PLA2G3: variants seen among roughly 807,000 people sequenced by gnomAD.
PLA2G3 encodes the protein phospholipase A2 group III.
In PLA2G3, 39 loss-of-function variants were observed where a neutral mutation model predicts 51.3. The observed-to-expected ratio is 0.76, with a 90% CI of 0.59 to 0.99. PLA2G3 has a LOEUF of 0.99. Among genes scored for constraint, PLA2G3 ranks in the 50% least tolerant of loss-of-function variants. The pLI is 0.00. For synonymous variants in PLA2G3, 293 were observed against 263.1 expected (o/e 1.11, Z -1.10); for missense variants, 677 against 662.1 (o/e 1.02, Z -0.25).
intron 1 of PLA2G3, 38 bp from the exon 2 acceptor site, chr22:31,138,837 GGGTC>G (rs751638094): frequency 1.2e-6 from 2 of 1,611,500 alleles, no homozygotes; most frequent in South Asian, 2.2e-5. Flanking sequence ...CAACTCAGCA[GGGTC>G]CTAGGCATCA....
intron 2 of PLA2G3, 40 bp from the exon 3 acceptor site, chr22:31,138,450 G>T: frequency 6.2e-7 from 1 of 1,607,128 alleles, no homozygotes; most frequent in Non-Finnish European, 8.5e-7. Flanking sequence ...GGGCATGGAG[G>T]GCTGTCTGGC....
At position 31,137,812 on chromosome 22, in the gene PLA2G3, T is replaced by A; in HGVS notation, c.964A>T (p.Ser322Cys). 2 of 1,614,098 alleles carry A rather than the reference T, an allele frequency of 1.2e-6. No individual in the cohort carries two copies. Among genetic ancestry groups the A allele is most frequent in the Non-Finnish European group, 1.7e-6 (2 of 1,180,000 alleles). The change falls in exon 4 of 7, where the codon AGC (serine) becomes TGC (cysteine). Residue 322 changes from serine (S) to cysteine (C), a missense_variant. By Grantham distance (112) the Ser-to-Cys change is moderately radical. Transcript: ENST00000215885. ...PPHQKGSKRP[S>C]KANTTALQDP... ...TGGAGGGCTGTGGTGTTGGCTTTGC[T>A]GGGGCGCTTGGACCCTTTCTGATGT...
chr22:31,136,282 G>A (rs1922553130), intron 6 of PLA2G3, among the ~76,000 whole-genome samples: 2 of 152,208 alleles, frequency 1.3e-5, no homozygotes, highest in Non-Finnish European at 2.9e-5. Flanking sequence ...CGAGGTGGGA[G>A]GATCGCTCGA....
rs568663452 is a variant in PLA2G3, at chr22:31,140,461, C to T, written c.-107G>A. ...GAACGGAAGCGGAGCCCAGCAGGCC[C>T]GGTGCGGCGGGACCAATGAATGGAG... On this transcript the variant is annotated 5_prime_UTR_variant, in exon 1 of 7. Coordinates refer to ENST00000215885, the MANE Select transcript of PLA2G3 (RefSeq NM_015715.5). The T allele has an allele frequency of 2.9e-5, 38 of 1,294,494 alleles. No individual in the cohort carries two copies. Among genetic ancestry groups the T allele is most frequent in the Middle Eastern group, 2.1e-4 (1 of 4,696 alleles). 80.2% of individuals were successfully genotyped at this position (1,294,494 alleles called of 1,614,324 possible). A position where few individuals can be genotyped will look rare whatever the true frequency, so the allele number is the denominator to read the frequency against.
At position 31,135,547 on chromosome 22, in the gene PLA2G3, G is replaced by T; in HGVS notation, c.*176C>A. On this transcript the variant is annotated 3_prime_UTR_variant, in exon 7 of 7. Coordinates refer to ENST00000215885, the MANE Select transcript of PLA2G3 (RefSeq NM_015715.5). ...ACATAGCTCAAGGTTACCCAGAACA[G>T]CAGGAGATGTGGTCCAGCATTTGGG... 1 of 612,782 alleles carries T rather than the reference G, an allele frequency of 1.6e-6. No individual in the cohort carries two copies. Among genetic ancestry groups the T allele is most frequent in the Non-Finnish European group, 2.9e-6 (1 of 343,198 alleles). 38.0% of individuals were successfully genotyped at this position (612,782 alleles called of 1,614,324 possible).
intron 2 of PLA2G3, 74 bp downstream of exon 2, chr22:31,138,593 A>C: frequency 1.3e-6 from 2 of 1,577,044 alleles, no homozygotes; most frequent in East Asian, 4.5e-5. Flanking sequence ...CTGCAATCCC[A>C]ATGTCTAGTT....
chr22:31,136,607 C>T, intron 6 of PLA2G3, 76 bp downstream of exon 6: 1 of 1,169,542 alleles, frequency 8.6e-7, no homozygotes. Context: ...CCCCTTGGCC[C>T]AAGCATTCAA....
In PLA2G3 at chr22:31,140,234, G is replaced by A; in HGVS notation, c.121C>T (p.Pro41Ser). Residue 41 changes from proline (P) to serine (S), a missense_variant, in exon 1 of 7, where the codon CCA becomes TCA. Physicochemically the swap from Pro to Ser is moderately conservative, Grantham distance 74. Coordinates refer to ENST00000215885, the MANE Select transcript of PLA2G3 (RefSeq NM_015715.5). ...GCCAGGAAGCTCAGGTACCCCAGTG[G>A]GTTGCCAGGGACGGCCTTGGTCAAG... ...CHLTKAVPGN[P>S]LGYLSFLAKD... 6.2e-7 allele frequency: 1 copy of A among 1,612,642 alleles called. No individual in the cohort carries two copies. Among genetic ancestry groups the A allele is most frequent in the Non-Finnish European group, 8.5e-7 (1 of 1,179,994 alleles).
rs1443220954 is a variant in PLA2G3, at chr22:31,140,372, C to T, written c.-18G>A. 6.4e-7 allele frequency: 1 copy of T among 1,554,008 alleles called. No homozygotes were observed. Among genetic ancestry groups the T allele is most frequent in the Admixed American group, 1.9e-5 (1 of 52,392 alleles). ...ACCCCCATTCTGCACTGGCCCAGTC[C>T]AGTCAGACAAAGCCCCTGGGATGCC... On this transcript the variant is annotated 5_prime_UTR_variant, in exon 1 of 7. Transcript: ENST00000215885.
Position 31,138,291 on chromosome 22 carries a change from C to G in PLA2G3, c.767G>C (p.Trp256Ser). ...GGCCACGTACCCGCCCCACCAGTAC[C>G]ACGCCACACACGCCTCCTGCTCCTC... Reference protein sequence around the residue: ...VLEEQEACVAWYWWGGCRMYG... With the variant: ...VLEEQEACVASYWWGGCRMYG... The change falls in exon 3 of 7, where the codon TGG (tryptophan) becomes TCG (serine). Residue 256 changes from tryptophan to serine, a missense_variant. Physicochemically the swap from Trp to Ser is radical, Grantham distance 177 (BLOSUM62 -3). Transcript: ENST00000215885. The G allele has an allele frequency of 6.2e-7, 1 of 1,613,786 alleles. No individual in the cohort carries two copies. Among genetic ancestry groups the G allele is most frequent in the South Asian group, 1.1e-5 (1 of 91,074 alleles).
At chr22:31,138,193 C>T (rs1254258924) in intron 3 of PLA2G3, 83 bp downstream of exon 3, 4 of 1,521,330 alleles carry the variant, frequency 2.6e-6, no homozygotes, top group African/African-American at 2.7e-5. Flanking sequence ...GGAAGACAGA[C>T]AGACAGATAG....
At chr22:31,138,494 G>T in intron 2 of PLA2G3, 84 bp from the exon 3 acceptor site, 1 of 1,546,136 alleles carries the variant, frequency 6.5e-7, no homozygotes, top group Non-Finnish European at 8.9e-7. Context: ...CTACCAGCTG[G>T]GTGGTTTGGG....
Position 31,135,446 on chromosome 22 carries a change from C to T in PLA2G3, c.*277G>A. ...CCATTCTCATCTGTATGTGAAGTTC[C>T]CTGGCAAGGCCAAAGCCCAGGGCAT... On this transcript the variant is annotated 3_prime_UTR_variant, in exon 7 of 7. Transcript: ENST00000215885. 2.0e-6 allele frequency: 1 copy of T among 492,054 alleles called. No individual in the cohort carries two copies. The highest frequency in any genetic ancestry group is 3.4e-5 in the East Asian group (1 of 29,598). 30.5% of individuals were successfully genotyped at this position (492,054 alleles called of 1,614,324 possible). A position where few individuals can be genotyped will look rare whatever the true frequency, so the allele number is the denominator to read the frequency against.
In PLA2G3 at chr22:31,135,744, C is replaced by A. The variant is rs1257869560; in HGVS notation, c.1509G>T (p.Gln503His). The A allele has an allele frequency of 6.2e-7, 1 of 1,613,590 alleles. No homozygotes were observed. The highest frequency in any genetic ancestry group is 8.5e-7 in the Non-Finnish European group (1 of 1,179,884). The change falls in exon 7 of 7, where the codon CAG (glutamine) becomes CAT (histidine). Residue 503 changes from glutamine (Q) to histidine (H), a missense_variant. Coordinates refer to ENST00000215885, the MANE Select transcript of PLA2G3 (RefSeq NM_015715.5). ...GAGGTCACTGGCTCCAGGACTTCTGCTGCCTGTCGGGTCTCCTGGCTGCCT... is the reference window on the plus strand; with the variant it reads ...GAGGTCACTGGCTCCAGGACTTCTGATGCCTGTCGGGTCTCCTGGCTGCCT... ...LTQAARRPDR[Q>H]QKSWSQ
In PLA2G3 at chr22:31,136,959, T is replaced by G. The variant is rs1381588319; in HGVS notation, c.1148A>C (p.Gln383Pro). The stretch of plus-strand genomic sequence containing the variant: ...GGGCTCTTGGGCGCTGTTGAGCAGC[T>G]GGAACTCGATTTCCCGGGGCCCAAT... ...HQIGPREIEF[Q>P]LLNSAQEPLF... is the part of the protein sequence containing the mutation. The change falls in exon 5 of 7, where the codon CAG becomes CCG. Residue 383 changes from glutamine to proline, a missense_variant. Physicochemically the swap from Gln to Pro is moderately conservative, Grantham distance 76. Transcript: ENST00000215885. The G allele has an allele frequency of 3.8e-6, 6 of 1,592,230 alleles. No homozygotes were observed. The highest frequency in any genetic ancestry group is 4.3e-6 in the Non-Finnish European group (5 of 1,170,030).
chr22:31,135,750 G>T lies in PLA2G3; in HGVS notation c.1503C>A (p.Asp501Glu), dbSNP rs1203586510. 6.2e-7 allele frequency: 1 copy of T among 1,613,796 alleles called. No homozygotes were observed. Among genetic ancestry groups the T allele is most frequent in the Non-Finnish European group, 8.5e-7 (1 of 1,179,954 alleles). Reference protein sequence around the residue: ...LQLTQAARRPDRQQKSWSQ With the variant: ...LQLTQAARRPERQQKSWSQ ...ACTGGCTCCAGGACTTCTGCTGCCT[G>T]TCGGGTCTCCTGGCTGCCTGGGTTA... Residue 501 changes from aspartate to glutamate, a missense_variant, in exon 7 of 7, where the codon GAC (aspartate) becomes GAA (glutamate). Physicochemically the swap from Asp to Glu is conservative, Grantham distance 45. Coordinates refer to ENST00000215885, the MANE Select transcript of PLA2G3 (RefSeq NM_015715.5).
intron 2 of PLA2G3, 70 bp downstream of exon 2, chr22:31,138,597 T>A: frequency 1.9e-6 from 3 of 1,582,118 alleles, no homozygotes; most frequent in Non-Finnish European, 2.6e-6. Flanking sequence ...AATCCCAATG[T>A]CTAGTTACCC....
intron 2 of PLA2G3, 59 bp from the exon 3 acceptor site, chr22:31,138,469 C>T: frequency 6.3e-7 from 1 of 1,594,156 alleles, no homozygotes; most frequent in Non-Finnish European, 8.6e-7. Flanking sequence ...GCTCCTCCCA[C>T]AGCCCACTGT....
At chr22:31,136,596 A>G in intron 6 of PLA2G3, 87 bp downstream of exon 6, 1 of 1,016,504 alleles carries the variant, frequency 9.8e-7, no homozygotes, top group Non-Finnish European at 1.5e-6. Flanking sequence ...CCCTTCCCCT[A>G]CCCCTTGGCC....
Sources: gnomAD v4.1 joint callset for allele counts (sites outside exome capture counted in the v4.1 genomes callset) on GRCh38, gnomAD v4.1.1 for gene constraint, MANE v1.5 for transcripts, NCBI Gene and HGNC (gene_info 2026-07-23, HGNC 2026-07-21) for gene names.